The following TLN2 variants were observed in gnomAD, a reference collection of about 807,000 sequenced individuals.
TLN2 encodes the protein talin-2.
In TLN2, 118 loss-of-function variants were observed where a neutral mutation model predicts 294.7. The observed-to-expected ratio is 0.40, with a 90% CI of 0.34 to 0.47. The LOEUF (loss-of-function observed/expected upper bound fraction) is 0.47. TLN2 is among the 20% of genes least tolerant of loss of function. The pLI is 0.84. For synonymous variants in TLN2, 1,431 were observed against 1,304.5 expected, an observed-to-expected ratio of 1.10 and a Z score of -2.09; for missense variants, 3,083 against 3,282.2, an observed-to-expected ratio of 0.94 and a Z score of 1.48.
At position 62,819,599 on chromosome 15, in the gene TLN2, C is replaced by G. The variant is rs1380660684; in HGVS notation, c.6855C>G (p.Ile2285Met). 3 of 1,611,908 alleles carry G rather than the reference C, an allele frequency of 1.9e-6. No homozygotes were observed. In the South Asian group the frequency reaches 3.3e-5, roughly 18 times the overall value. Residue 2285 changes from isoleucine to methionine, a missense_variant, in exon 53 of 59, where the codon ATC (isoleucine) becomes ATG (methionine). Coordinates refer to ENST00000636159, the MANE Select transcript of TLN2 (RefSeq NM_015059.3). ...TCGCCGGCGCTGTGACAGAGCTCAT[C>G]CAGGCGGCGGAAGCCATGAAAGGTA... ...KRVAGAVTEL[I>M]QAAEAMKGTE... is the part of the protein sequence containing the mutation.
intron 1 of TLN2, among the ~76,000 whole-genome samples, chr15:62,523,046 G>C (rs7182050): frequency 0.2 from 30,587 of 151,726 alleles, 3,920 homozygotes; most frequent in African/African-American, 0.36. Flanking sequence ...CTAGGGCTGG[G>C]ATAAGTCCTC....
intron 57 of TLN2, chr15:62,838,242 A>G (rs2070031482): frequency 6.6e-6 from 1 of 152,308 alleles, no homozygotes; most frequent in East Asian, 1.9e-4. Context: ...CAAAGCCTTC[A>G]GTGAGCACCA....
intron 1 of TLN2, among the ~76,000 whole-genome samples, chr15:62,434,959 A>G (rs1264992707): frequency 2.0e-5 from 3 of 152,062 alleles, no homozygotes; most frequent in Non-Finnish European, 2.9e-5. Context: ...GTTTCCCGCT[A>G]TGTGTCCATG....
chr15:62,437,263 A>T (rs1370078584), intron 1 of TLN2, among the ~76,000 whole-genome samples: 1 of 152,224 alleles, frequency 6.6e-6, no homozygotes, highest in East Asian at 1.9e-4. Flanking sequence ...TGAGGAGCAC[A>T]TTCATCAATA....
Position 62,702,108 on chromosome 15 carries a change from G to A in TLN2, c.1813G>A (p.Val605Met), listed in dbSNP as rs146832843. 7 of 1,614,190 alleles carry A rather than the reference G, an allele frequency of 4.3e-6. No homozygotes were observed. In the South Asian group the frequency reaches 6.6e-5, roughly 15 times the overall value. Residue 605 changes from valine (V) to methionine (M), a missense_variant, in exon 18 of 59, where the codon GTG becomes ATG. By Grantham distance (21) the Val-to-Met change is conservative (BLOSUM62 1). Coordinates refer to ENST00000636159, the MANE Select transcript of TLN2 (RefSeq NM_015059.3). ...ATTGGCCGCCCTCATGGATGATGAG[G>A]TGGGCAGCGGGGAGGACTTGCTCAG... is the stretch of plus-strand genomic sequence containing the variant. The part of the protein sequence containing the change: ...KLLAALMDDE[V>M]GSGEDLLRAA...
chr15:62,678,804 C>G (rs1174807678), intron 11 of TLN2, among the ~76,000 whole-genome samples: 1 of 152,186 alleles, frequency 6.6e-6, no homozygotes, highest in African/African-American at 2.4e-5. Context: ...GCACTCCCAC[C>G]TGGGCGATAG....
intron 7 of TLN2, 140 bp from the exon 8 acceptor site, chr15:62,655,804 C>A (rs1184102888): frequency 2.0e-6 from 2 of 1,025,630 alleles, no homozygotes; most frequent in Admixed American, 5.8e-5. Context: ...AACCATAGTT[C>A]TAAAATAAGA....
At chr15:62,472,338 C>A (rs752756287) in intron 1 of TLN2, among the ~76,000 whole-genome samples, 1 of 152,174 alleles carries the variant, frequency 6.6e-6, no homozygotes, top group South Asian at 2.1e-4. Flanking sequence ...ATGGGGAGAA[C>A]CCTCATGCCA....
chr15:62,422,985 G>T (rs912333722), intron 1 of TLN2, among the ~76,000 whole-genome samples: 2 of 152,186 alleles, frequency 1.3e-5, no homozygotes, highest in African/African-American at 4.8e-5. Flanking sequence ...TCCTTTGGAG[G>T]CCCCTGCATG....
At chr15:62,783,681 C>A in intron 44 of TLN2, 90 bp from the exon 45 acceptor site, 2 of 1,468,362 alleles carry the variant, frequency 1.4e-6, no homozygotes, top group Non-Finnish European at 1.8e-6. Context: ...AACCCTTTGG[C>A]TTCCAGTGAT....
chr15:62,757,371 G>A (rs36003913), intron 37 of TLN2, among the ~76,000 whole-genome samples: 3,362 of 152,318 alleles, frequency 0.022, 37 homozygotes, highest in Non-Finnish European at 0.026. Context: ...TGGAAAGAGC[G>A]ATAGAGTTGA....
At chr15:62,630,880 C>G (rs184128079) in intron 3 of TLN2, among the ~76,000 whole-genome samples, 2 of 152,162 alleles carry the variant, frequency 1.3e-5, no homozygotes, top group Admixed American at 6.5e-5. Context: ...CCAAGAGATT[C>G]ATCACTAAAG....
At chr15:62,455,590 C>T (rs1365615904) in intron 1 of TLN2, among the ~76,000 whole-genome samples, 4 of 152,198 alleles carry the variant, frequency 2.6e-5, no homozygotes, top group African/African-American at 7.2e-5. Context: ...TCATCGACTT[C>T]TGCGGTTACC....
chr15:62,619,662 T>C (rs2048608937), intron 3 of TLN2, among the ~76,000 whole-genome samples: 1 of 152,174 alleles, frequency 6.6e-6, no homozygotes, highest in Non-Finnish European at 1.5e-5. Flanking sequence ...CTGGCGTCCT[T>C]GTAGGAAGAG....
intron 41 of TLN2, among the ~76,000 whole-genome samples, chr15:62,769,601 G>A (rs2063225547): frequency 2.0e-5 from 3 of 152,270 alleles, no homozygotes; most frequent in South Asian, 2.1e-4. Flanking sequence ...CACTATTAGC[G>A]TTAATTAAGT....
At chr15:62,757,817 C>T (rs999500935) in intron 37 of TLN2, among the ~76,000 whole-genome samples, 1 of 152,158 alleles carries the variant, frequency 6.6e-6, no homozygotes, top group Non-Finnish European at 1.5e-5. Flanking sequence ...TGCTGCCCCT[C>T]CGCGTGTGGA....
chr15:62,425,592 T>G (rs181605812), intron 1 of TLN2, among the ~76,000 whole-genome samples: 10 of 152,322 alleles, frequency 6.6e-5, no homozygotes, highest in Admixed American at 6.5e-4. Flanking sequence ...ATCAGCTTTT[T>G]AATATTAAAA....
At chr15:62,591,030 G>C (rs1185103003) in intron 2 of TLN2, among the ~76,000 whole-genome samples, 1 of 151,326 alleles carries the variant, frequency 6.6e-6, no homozygotes, top group Non-Finnish European at 1.5e-5. Flanking sequence ...AAGCTGGATA[G>C]GTGAATGAGG....
chr15:62,406,225 C>T (rs4479177), intron 1 of TLN2, among the ~76,000 whole-genome samples: 33,554 of 152,140 alleles, frequency 0.22, 3,964 homozygotes, highest in Non-Finnish European at 0.27. Context: ...TTTATTCCTT[C>T]TGAGGACTGT....
Sources: gnomAD v4.1 joint callset for allele counts (sites outside exome capture counted in the v4.1 genomes callset) on GRCh38, gnomAD v4.1.1 for gene constraint, MANE v1.5 for transcripts, NCBI Gene and HGNC (gene_info 2026-07-23, HGNC 2026-07-21) for gene names.